Variants in ZMAT4 observed in about 807,000 individuals in gnomAD.
ZMAT4 encodes zinc finger matrin-type 4, also known as zinc finger matrin-type protein 4.
A neutral mutation model predicts 28.7 loss-of-function variants in ZMAT4; 17 were observed. That is an observed-to-expected ratio of 0.59 (90% CI 0.41 to 0.89). ZMAT4 has a LOEUF of 0.89. Ranked by LOEUF, ZMAT4 falls within the 40% of genes least tolerant of loss-of-function variation. ZMAT4 has a pLI of 0.00. For synonymous variants in ZMAT4, 117 were observed against 109.2 expected, an observed-to-expected ratio of 1.07 and a Z score of -0.44; for missense variants, 240 against 283.8, an observed-to-expected ratio of 0.85 and a Z score of 1.11.
intron 3 of ZMAT4, among the ~76,000 whole-genome samples, chr8:40,756,796 C>G (rs1055953443): frequency 6.6e-6 from 1 of 151,920 alleles, no homozygotes; most frequent in Non-Finnish European, 1.5e-5. Context: ...ATAACATTTT[C>G]AACTGATCAA....
chr8:40,622,187 T>C, intron 5 of ZMAT4, among the ~76,000 whole-genome samples: 1 of 152,236 alleles, frequency 6.6e-6, no homozygotes, highest in East Asian at 1.9e-4. Flanking sequence ...ATGGCTTATG[T>C]TTCATATGTT....
intron 5 of ZMAT4, among the ~76,000 whole-genome samples, chr8:40,664,375 T>C (rs1253045514): frequency 6.6e-6 from 1 of 152,226 alleles, no homozygotes; most frequent in African/African-American, 2.4e-5. Context: ...TTTTTAAATG[T>C]ACACACTGCT....
intron 3 of ZMAT4, among the ~76,000 whole-genome samples, chr8:40,704,317 C>T (rs966580910): frequency 3.3e-5 from 5 of 152,162 alleles, no homozygotes; most frequent in Non-Finnish European, 5.9e-5. Context: ...TCCTGGGTAA[C>T]GTTATCTCCC....
chr8:40,603,857 C>T (rs559410087), intron 5 of ZMAT4, among the ~76,000 whole-genome samples: 1 of 152,234 alleles, frequency 6.6e-6, no homozygotes, highest in African/African-American at 2.4e-5. Context: ...GTCTCAATCT[C>T]CTGATCTCGT....
intron 5 of ZMAT4, among the ~76,000 whole-genome samples, chr8:40,661,293 T>C (rs1249912074): frequency 1.3e-5 from 2 of 152,170 alleles, no homozygotes; most frequent in African/African-American, 4.8e-5. Flanking sequence ...AGAAATGGGG[T>C]TTCACCATGT....
At chr8:40,723,295 C>A (rs1282551839) in intron 3 of ZMAT4, among the ~76,000 whole-genome samples, 1 of 152,124 alleles carries the variant, frequency 6.6e-6, no homozygotes. Context: ...GTAATCCCAA[C>A]ACTTTGGGAG....
chr8:40,735,543 G>A (rs1171168384), intron 3 of ZMAT4, among the ~76,000 whole-genome samples: 1 of 152,154 alleles, frequency 6.6e-6, no homozygotes, highest in African/African-American at 2.4e-5. Context: ...TAAAGGATAT[G>A]AGTTAGAAAC....
intron 6 of ZMAT4, among the ~76,000 whole-genome samples, chr8:40,574,373 A>C (rs181767402): frequency 6.6e-6 from 1 of 152,292 alleles, no homozygotes; most frequent in African/African-American, 2.4e-5. Context: ...GTATCTAATA[A>C]TATACTTTGA....
intron 6 of ZMAT4, among the ~76,000 whole-genome samples, chr8:40,566,165 C>T (rs1367802963): frequency 6.6e-6 from 1 of 152,148 alleles, no homozygotes; most frequent in East Asian, 1.9e-4. Flanking sequence ...CCGTGACACA[C>T]TATCTCACTG....
chr8:40,550,323 A>G (rs1487506598), intron 6 of ZMAT4, among the ~76,000 whole-genome samples: 1 of 152,162 alleles, frequency 6.6e-6, no homozygotes, highest in Non-Finnish European at 1.5e-5. Flanking sequence ...AAGGCTTAGA[A>G]TAGTGGTCTA....
At chr8:40,874,303 G>A (rs1157612483) in intron 1 of ZMAT4, among the ~76,000 whole-genome samples, 3 of 152,222 alleles carry the variant, frequency 2.0e-5, no homozygotes, top group African/African-American at 7.2e-5. Flanking sequence ...TCAGCACTGG[G>A]CATTCTTTTG....
intron 5 of ZMAT4, among the ~76,000 whole-genome samples, chr8:40,660,754 G>A (rs897437484): frequency 5.3e-5 from 8 of 152,166 alleles, no homozygotes; most frequent in Non-Finnish European, 1.2e-4. Flanking sequence ...TACATAAGAT[G>A]ATAATGGCCA....
chr8:40,757,642 T>C (rs1366232993), intron 3 of ZMAT4, among the ~76,000 whole-genome samples: 1 of 152,132 alleles, frequency 6.6e-6, no homozygotes, highest in African/African-American at 2.4e-5. Flanking sequence ...TACCATACTT[T>C]ATGTAAAATA....
At chr8:40,656,272 G>A (rs952671581) in intron 5 of ZMAT4, among the ~76,000 whole-genome samples, 2 of 152,082 alleles carry the variant, frequency 1.3e-5, no homozygotes, top group African/African-American at 4.8e-5. Context: ...TCTAGGATAG[G>A]CAGAATAAAG....
At chr8:40,860,980 T>C (rs1333220072) in intron 1 of ZMAT4, among the ~76,000 whole-genome samples, 3 of 152,196 alleles carry the variant, frequency 2.0e-5, no homozygotes, top group African/African-American at 7.2e-5. Flanking sequence ...CTCAAGGTCA[T>C]TGTCACTTCC....
At chr8:40,892,818 A>G (rs1818742195) in intron 1 of ZMAT4, among the ~76,000 whole-genome samples, 2 of 152,196 alleles carry the variant, frequency 1.3e-5, no homozygotes. Flanking sequence ...GGGCAGGGGA[A>G]GGGTCTCTAG....
At chr8:40,557,709 C>T (rs879168383) in intron 6 of ZMAT4, among the ~76,000 whole-genome samples, 4 of 152,144 alleles carry the variant, frequency 2.6e-5, no homozygotes, top group Admixed American at 6.6e-5. Context: ...CTCTTCCCAA[C>T]ATTAGAGTGC....
In ZMAT4 at chr8:40,531,278, A is replaced by G. The variant is rs1018190468; in HGVS notation, c.*945T>C. 1.3e-5 allele frequency: 2 copies of G among 152,166 alleles called. No homozygotes were observed. Among genetic ancestry groups the G allele is most frequent in the African/African-American group, 2.4e-5 (1 of 41,446 alleles). The allele number at this position is 152,166 out of a possible 1,614,324, so 9.4% of individuals were successfully genotyped here. A position where few individuals can be genotyped will look rare whatever the true frequency, so the allele number is the denominator to read the frequency against. ...CAGCAGTAGGACTTCAGTGAGAAAC[A>G]GAAGAAATAGGGGACCCCGCCTAGC... is the stretch of plus-strand genomic sequence containing the variant. On this transcript the variant is annotated 3_prime_UTR_variant, in exon 7 of 7. Transcript: ENST00000297737.
chr8:40,872,838 T>C (rs924757815), intron 1 of ZMAT4, among the ~76,000 whole-genome samples: 22 of 152,170 alleles, frequency 1.4e-4, no homozygotes, highest in African/African-American at 4.8e-4. Context: ...TTGTTTTTAG[T>C]TTTTGTCAGC....
Sources: gnomAD v4.1 joint callset for allele counts (sites outside exome capture counted in the v4.1 genomes callset) on GRCh38, gnomAD v4.1.1 for gene constraint, MANE v1.5 for transcripts, NCBI Gene and HGNC (gene_info 2026-07-23, HGNC 2026-07-21) for gene names.